LRRTM4: variants seen among roughly 807,000 people sequenced by gnomAD.
LRRTM4 encodes leucine-rich repeat transmembrane neuronal protein 4.
LRRTM4 carries 25 observed loss-of-function variants against 47.6 expected under a neutral mutation model. The observed-to-expected ratio is 0.53, with a 90% confidence interval of 0.38 to 0.73. The LOEUF (loss-of-function observed/expected upper bound fraction) is 0.73, where lower values mean the gene tolerates loss of function less well. Ranked by LOEUF, LRRTM4 falls within the 30% of genes least tolerant of loss-of-function variation. LRRTM4 has a pLI of 0.00. For synonymous variants in LRRTM4, 311 were observed against 269.5 expected (o/e 1.15, Z -1.51); for missense variants, 638 against 713.4 (o/e 0.89, Z 1.20).
chr2:77,049,120 TTTTATATATATATATATA>T (rs1381418226), intron 3 of LRRTM4, among the ~76,000 whole-genome samples: 14 of 66,468 alleles, frequency 2.1e-4, no homozygotes, highest in Middle Eastern at 7.4e-3. Context: ...ATATTTCATT[TTTTATATATATATATATA>T]TATATATATA....
intron 3 of LRRTM4, among the ~76,000 whole-genome samples, chr2:76,963,166 T>A (rs1174532944): frequency 1.3e-5 from 2 of 150,980 alleles, no homozygotes; most frequent in Non-Finnish European, 3.0e-5. Flanking sequence ...AAATGTATTA[T>A]AAAAATTTAA....
chr2:76,839,766 T>C (rs1032242343), intron 3 of LRRTM4, among the ~76,000 whole-genome samples: 5 of 152,188 alleles, frequency 3.3e-5, no homozygotes, highest in Non-Finnish European at 5.9e-5. Flanking sequence ...TCTAATACTT[T>C]TAAAGAATTT....
chr2:77,120,679 A>T (rs1321188964), intron 3 of LRRTM4, among the ~76,000 whole-genome samples: 1 of 151,822 alleles, frequency 6.6e-6, no homozygotes, highest in Non-Finnish European at 1.5e-5. Context: ...TCCACTGAGA[A>T]ATATCTTGAC....
chr2:77,228,458 C>T (rs1314007032), intron 3 of LRRTM4, among the ~76,000 whole-genome samples: 1 of 152,094 alleles, frequency 6.6e-6, no homozygotes, highest in Non-Finnish European at 1.5e-5. Flanking sequence ...GTGAATGAGG[C>T]ATTTAATCTT....
At chr2:77,162,476 G>T (rs1377558224) in intron 3 of LRRTM4, among the ~76,000 whole-genome samples, 1 of 152,146 alleles carries the variant, frequency 6.6e-6, no homozygotes, top group Non-Finnish European at 1.5e-5. Flanking sequence ...GAGAGTAATG[G>T]TTCTCCCAGC....
intron 3 of LRRTM4, among the ~76,000 whole-genome samples, chr2:77,481,363 C>G (rs2104018561): frequency 6.6e-6 from 1 of 152,242 alleles, no homozygotes; most frequent in African/African-American, 2.4e-5. Flanking sequence ...AGTTCGAGAA[C>G]CTGCCTTCTT....
intron 3 of LRRTM4, among the ~76,000 whole-genome samples, chr2:77,039,339 TA>T (rs1320143625): frequency 5.1e-5 from 7 of 137,320 alleles, no homozygotes; most frequent in Admixed American, 3.7e-4. Context: ...TTTTTTTTTT[TA>T]AATGAAGGCA....
chr2:76,907,374 C>T (rs1299230399), intron 3 of LRRTM4, among the ~76,000 whole-genome samples: 3 of 150,576 alleles, frequency 2.0e-5, no homozygotes, highest in African/African-American at 7.3e-5. Flanking sequence ...GCACTAAATG[C>T]CCACAAGAAA....
intron 3 of LRRTM4, among the ~76,000 whole-genome samples, chr2:77,299,140 T>G (rs1677053859): frequency 6.6e-6 from 1 of 152,004 alleles, no homozygotes; most frequent in Admixed American, 6.6e-5. Flanking sequence ...AGCAATTACA[T>G]TTTAATACGA....
chr2:76,812,691 CTTTCT>C (rs1209947512), intron 3 of LRRTM4, among the ~76,000 whole-genome samples: 36 of 149,370 alleles, frequency 2.4e-4, no homozygotes, highest in Admixed American at 2.1e-3. Flanking sequence ...TTCTTTCTTT[CTTTCT>C]TTTCTTTCTT....
At chr2:77,434,639 G>A (rs1481645974) in intron 3 of LRRTM4, among the ~76,000 whole-genome samples, 1 of 152,080 alleles carries the variant, frequency 6.6e-6, no homozygotes, top group Admixed American at 6.5e-5. Context: ...AATTTATGGA[G>A]AACTTTCTCT....
Position 77,519,095 on chromosome 2 carries a change from C to T in LRRTM4, c.774G>A (p.Leu258=). ...LTWTWSSLHN[L]DLSGNDIQGI... is the part of the protein sequence containing the mutation. ...CTTGGATGTCATTCCCTGATAAATC[C>T]AAGTTGTGTAAGGAACTCCAAGTCC... is the stretch of plus-strand genomic sequence containing the variant. Residue 258 remains leucine, a synonymous_variant, in exon 3 of 4, where the codon TTG becomes TTA. Transcript: ENST00000409884. The surrounding 1 kb of genome is among the most constrained non-coding windows in gnomAD (Gnocchi z 4.6). The T allele has an allele frequency of 1.2e-6, 2 of 1,612,840 alleles. No homozygotes were observed. The highest frequency in any genetic ancestry group is 1.7e-6 in the Non-Finnish European group (2 of 1,179,434).
intron 3 of LRRTM4, among the ~76,000 whole-genome samples, chr2:76,770,233 G>C (rs902589809): frequency 6.6e-6 from 1 of 152,162 alleles, no homozygotes; most frequent in African/African-American, 2.4e-5. Flanking sequence ...ATAGATCATG[G>C]TTGCTATATT....
intron 3 of LRRTM4, among the ~76,000 whole-genome samples, chr2:77,475,583 G>A (rs1247164777): frequency 6.6e-6 from 1 of 151,732 alleles, no homozygotes; most frequent in Admixed American, 6.6e-5. Flanking sequence ...TCCTTTCAGT[G>A]AATTACTCAG....
At chr2:77,468,021 T>C (rs1677045495) in intron 3 of LRRTM4, among the ~76,000 whole-genome samples, 1 of 152,138 alleles carries the variant, frequency 6.6e-6, no homozygotes, top group Non-Finnish European at 1.5e-5. Flanking sequence ...TTTCTGTTTA[T>C]TTATTTTTGT....
chr2:76,775,942 A>G (rs80038811), intron 3 of LRRTM4, among the ~76,000 whole-genome samples: 1 of 138,886 alleles, frequency 7.2e-6, no homozygotes. Context: ...AGAGTGTGAT[A>G]TTCCCCTTCC....
intron 3 of LRRTM4, among the ~76,000 whole-genome samples, chr2:77,103,069 A>G (rs149407756): frequency 5.3e-4 from 81 of 152,224 alleles, no homozygotes; most frequent in Admixed American, 1.7e-3. Flanking sequence ...GTTGGGCCCC[A>G]ATATTGATTT....
At chr2:76,961,345 G>A (rs1675852884) in intron 3 of LRRTM4, among the ~76,000 whole-genome samples, 3 of 150,898 alleles carry the variant, frequency 2.0e-5, no homozygotes, top group South Asian at 2.1e-4. Context: ...AGGCTTAAGC[G>A]AAATATTAGA....
chr2:76,798,186 C>T (rs1019311887), intron 3 of LRRTM4, among the ~76,000 whole-genome samples: 1 of 152,064 alleles, frequency 6.6e-6, no homozygotes, highest in Admixed American at 6.6e-5. Context: ...CCAAAATTGA[C>T]CACATACTTG....
Sources: allele counts gnomAD v4.1 joint callset (sites outside exome capture counted in the v4.1 genomes callset), GRCh38; gene constraint gnomAD v4.1.1; non-coding constraint Gnocchi (gnomAD v3.1); transcripts MANE v1.5; gene names NCBI Gene and HGNC (gene_info 2026-07-23, HGNC 2026-07-21).